CAMTA1: variants seen among roughly 807,000 people sequenced by gnomAD.
The protein encoded by CAMTA1 is calmodulin-binding transcription activator 1.
In CAMTA1, 27 loss-of-function variants were observed where a neutral mutation model predicts 170.9. The ratio of observed to expected loss-of-function variants is 0.16; its 90% CI spans 0.12 to 0.22. The LOEUF (loss-of-function observed/expected upper bound fraction) is 0.22, where lower values mean the gene tolerates loss of function less well. Ranked by LOEUF, CAMTA1 falls within the 10% of genes least tolerant of loss-of-function variation. The pLI is 1.00. For missense variants in CAMTA1, 1,619 were observed against 2,217.2 expected (o/e 0.73, Z 5.42); for synonymous variants, 833 against 891.5 (o/e 0.93, Z 1.17).
At position 7,609,199 on chromosome 1, in the gene CAMTA1, G is replaced by C. The variant is rs1445516308; in HGVS notation, c.511-31201G>C. The stretch of plus-strand genomic sequence containing the variant: ...CTCCTAGCCACAGACAGGGGTTTAT[G>C]ATGAGCCGGCTTGCTCATCCTTGAG... On this transcript the variant is annotated intron_variant, in intron 6 of 22. Coordinates refer to ENST00000303635, the MANE Select transcript of CAMTA1 (RefSeq NM_015215.4). This position sits in a 1 kb window ranked among gnomAD's most constrained non-coding sequence, Gnocchi z 4.4. 1.3e-5 allele frequency among the ~76,000 whole-genome samples: 2 copies of C among 152,126 alleles called. No individual in the cohort carries two copies. Among genetic ancestry groups the C allele is most frequent in the Non-Finnish European group, 2.9e-5 (2 of 68,020 alleles).
intron 4 of CAMTA1, among the ~76,000 whole-genome samples, chr1:7,137,886 T>C (rs911614639): frequency 2.0e-5 from 3 of 152,210 alleles, no homozygotes; most frequent in African/African-American, 7.2e-5. Context: ...TCTTCCCTGC[T>C]GGAATATCGG....
intron 3 of CAMTA1, among the ~76,000 whole-genome samples, chr1:6,871,417 A>T (rs527897716): frequency 5.9e-4 from 90 of 152,214 alleles, no homozygotes; most frequent in Non-Finnish European, 9.6e-4. Flanking sequence ...CCTTGAGGAG[A>T]GGAAAAACTC....
intron 3 of CAMTA1, among the ~76,000 whole-genome samples, chr1:6,849,229 G>A (rs900552270): frequency 1.1e-4 from 17 of 152,174 alleles, no homozygotes; most frequent in African/African-American, 3.9e-4. Flanking sequence ...AGAAGAGCAG[G>A]TTTCAGGACA....
At chr1:7,408,106 C>T (rs564507430) in intron 5 of CAMTA1, among the ~76,000 whole-genome samples, 44 of 152,304 alleles carry the variant, frequency 2.9e-4, no homozygotes, top group Middle Eastern at 3.4e-3. Context: ...GTCCAGGAGG[C>T]ATCTCAGGGA....
rs78511075 is a variant in CAMTA1, at chr1:7,720,791, A to C, written c.2915-11657A>C. ...TCACCTCATACCCAGCCTTGCTTCC[A>C]GAGTCTTCACTGTAGCTGCGTGGTT... On this transcript the variant is annotated intron_variant, in intron 11 of 22. Transcript: ENST00000303635. Among the ~76,000 whole-genome samples the C allele has an allele frequency of 3.3e-5, 5 of 152,356 alleles. No individual in the cohort carries two copies. The East Asian group carries it at 9.6e-4, about 29-fold the overall frequency.
At chr1:7,017,848 G>A (rs1700775772) in intron 3 of CAMTA1, among the ~76,000 whole-genome samples, 2 of 152,210 alleles carry the variant, frequency 1.3e-5, no homozygotes, top group African/African-American at 4.8e-5. Context: ...AGAGTAAGGG[G>A]CTCACTGGCT....
At chr1:7,472,236 A>G (rs926545719) in intron 6 of CAMTA1, among the ~76,000 whole-genome samples, 1 of 152,124 alleles carries the variant, frequency 6.6e-6, no homozygotes, top group Non-Finnish European at 1.5e-5. Flanking sequence ...ACCACAGGAC[A>G]GGGTGGCAGT....
chr1:7,547,829 GC>G lies in CAMTA1; in HGVS notation c.510+79933del, dbSNP rs145226353. ...CTCACATCTCTGCCACCCCATGTGG[GC>G]CCCCTCCAAACCCAGACTCTGACAC... On this transcript the variant is annotated intron_variant, in intron 6 of 22. Coordinates refer to ENST00000303635, the MANE Select transcript of CAMTA1 (RefSeq NM_015215.4). The surrounding 1 kb of genome is among the most constrained non-coding windows in gnomAD (Gnocchi z 5.7). 0.028 allele frequency among the ~76,000 whole-genome samples: 4,284 copies of G among 151,892 alleles called. 83 individuals are homozygous for G. Among genetic ancestry groups the G allele is most frequent in the Middle Eastern group, 0.072 (21 of 292 alleles).
intron 3 of CAMTA1, among the ~76,000 whole-genome samples, chr1:7,048,555 C>A (rs1358242902): frequency 6.6e-6 from 1 of 152,218 alleles, no homozygotes; most frequent in Non-Finnish European, 1.5e-5. Flanking sequence ...AGAGATTCTG[C>A]AGCACCTGCC....
intron 5 of CAMTA1, among the ~76,000 whole-genome samples, chr1:7,411,326 C>T (rs116103694): frequency 0.013 from 2,053 of 152,178 alleles, 50 homozygotes; most frequent in African/African-American, 0.046. Context: ...GATGTTTCAG[C>T]GTCCTATAAG....
At chr1:7,528,622 G>T (rs2094456389) in intron 6 of CAMTA1, among the ~76,000 whole-genome samples, 1 of 152,018 alleles carries the variant, frequency 6.6e-6, no homozygotes, top group Non-Finnish European at 1.5e-5. Flanking sequence ...CCCTCACAGT[G>T]GCTGGTCCTG....
At chr1:7,057,112 G>C (rs1462554284) in intron 3 of CAMTA1, among the ~76,000 whole-genome samples, 1 of 152,174 alleles carries the variant, frequency 6.6e-6, no homozygotes, top group Non-Finnish European at 1.5e-5. Flanking sequence ...CTGGCCCTCT[G>C]CTCTTCTCCA....
chr1:6,885,655 A>G (rs187652781), intron 3 of CAMTA1, among the ~76,000 whole-genome samples: 86 of 152,172 alleles, frequency 5.7e-4, no homozygotes, highest in Admixed American at 9.2e-4. Context: ...GGTCATTTGG[A>G]CTTGTCTCTA....
intron 5 of CAMTA1, among the ~76,000 whole-genome samples, chr1:7,446,054 C>G (rs1385313116): frequency 6.6e-6 from 1 of 152,100 alleles, no homozygotes; most frequent in African/African-American, 2.4e-5. Context: ...CAATCCCTCT[C>G]TGCTCCACAC....
At chr1:7,744,736 T>C in intron 16 of CAMTA1, 99 bp from the exon 17 acceptor site, 1 of 980,866 alleles carries the variant, frequency 1.0e-6, no homozygotes, top group African/African-American at 1.6e-5. Context: ...CCCTCCTGCC[T>C]GATTATTTTT....
At chr1:7,689,426 T>G (rs2096286552) in intron 11 of CAMTA1, among the ~76,000 whole-genome samples, 1 of 149,416 alleles carries the variant, frequency 6.7e-6, no homozygotes, top group Admixed American at 6.7e-5. Context: ...ATACAAAAAT[T>G]AGCCAGGTGT....
chr1:7,691,802 A>G (rs557698061), intron 11 of CAMTA1, among the ~76,000 whole-genome samples: 1 of 152,316 alleles, frequency 6.6e-6, no homozygotes, highest in African/African-American at 2.4e-5. Flanking sequence ...GGCACTGAAT[A>G]AAGCACATCT....
intron 16 of CAMTA1, among the ~76,000 whole-genome samples, chr1:7,740,039 G>C (rs576358113): frequency 6.8e-6 from 1 of 148,128 alleles, no homozygotes; most frequent in Admixed American, 6.7e-5. Flanking sequence ...ATCACCTACC[G>C]ACCACTGCAG....
At chr1:6,830,786 A>G (rs74958566) in intron 3 of CAMTA1, among the ~76,000 whole-genome samples, 1,847 of 151,874 alleles carry the variant, frequency 0.012, 21 homozygotes, top group South Asian at 0.033. Context: ...ATCACCCCAT[A>G]AGTAGCTTGA....
Sources: gnomAD v4.1 joint callset for allele counts (sites outside exome capture counted in the v4.1 genomes callset) on GRCh38, gnomAD v4.1.1 for gene constraint, Gnocchi (gnomAD v3.1) non-coding constraint, MANE v1.5 for transcripts, NCBI Gene and HGNC (gene_info 2026-07-23, HGNC 2026-07-21) for gene names.